The following EZH1 variants were observed in gnomAD, a reference collection of about 807,000 sequenced individuals.
The protein encoded by EZH1 is histone-lysine N-methyltransferase EZH1.
EZH1 carries 33 observed loss-of-function variants against 100.5 expected under a neutral mutation model. The observed-to-expected ratio is 0.33, with a 90% CI of 0.25 to 0.44. EZH1 has a LOEUF of 0.44. EZH1 is among the 20% of genes least tolerant of loss of function. EZH1 has a pLI of 1.00. For synonymous variants in EZH1, 272 were observed against 313.8 expected, an observed-to-expected ratio of 0.87 and a Z score of 1.41; for missense variants, 475 against 928.4, an observed-to-expected ratio of 0.51 and a Z score of 6.35.
chr17:42,708,771 G>A (rs139792401), intron 14 of EZH1, 105 bp downstream of exon 14: 43 of 1,228,648 alleles, frequency 3.5e-5, no homozygotes, highest in African/African-American at 1.6e-4. Context: ...TGCAATCTGC[G>A]GAAGTGGCAC....
In EZH1 at chr17:42,709,964, C is replaced by G. The variant is rs768880192; in HGVS notation, c.1402-27G>C. On this transcript the variant is annotated intron_variant, in intron 12 of 20. Transcript: ENST00000428826. ...TGGAAGAGAAATCCAACGGGCCTGT[C>G]ACTCCTCGAGCAAGGGGGTCAGGTA... The G allele has an allele frequency of 4.3e-6, 7 of 1,610,332 alleles. No individual in the cohort carries two copies. In the South Asian group the frequency reaches 4.4e-5, roughly 10 times the overall value.
chr17:42,714,432 T>C (rs572969686), intron 10 of EZH1: 2 of 342,840 alleles, frequency 5.8e-6, no homozygotes, highest in East Asian at 6.9e-5. Context: ...GAAATCTGCA[T>C]GTGGCGTGTG....
Position 42,718,444 on chromosome 17 carries a change from C to T in EZH1, c.931+10G>A. The T allele has an allele frequency of 6.2e-7, 1 of 1,612,744 alleles. No homozygotes were observed. Among genetic ancestry groups the T allele is most frequent in the Non-Finnish European group, 8.5e-7 (1 of 1,179,870 alleles). ...GAGGAGAGCATTTCAAACAGAGTAG[C>T]CCCACTCACGGTGAAGGAAGCAGTC... On this transcript the variant is annotated intron_variant, in intron 9 of 20. Transcript: ENST00000428826. The surrounding 1 kb of genome is among the most constrained non-coding windows in gnomAD (Gnocchi z 4.2).
At chr17:42,715,916 G>A (rs773487671) in intron 10 of EZH1, among the ~76,000 whole-genome samples, 5 of 151,924 alleles carry the variant, frequency 3.3e-5, no homozygotes, top group South Asian at 4.2e-4. Context: ...GCGTGGTGGC[G>A]CATGCCTGTA....
intron 1 of EZH1, among the ~76,000 whole-genome samples, chr17:42,742,848 C>T (rs748695099): frequency 6.6e-6 from 1 of 151,912 alleles, no homozygotes; most frequent in African/African-American, 2.4e-5. Flanking sequence ...TATGTATGTG[C>T]GTTTTTAAGT....
At chr17:42,720,065 T>C (rs2053676902) in intron 7 of EZH1, among the ~76,000 whole-genome samples, 4 of 152,180 alleles carry the variant, frequency 2.6e-5, no homozygotes, top group Admixed American at 2.6e-4. Flanking sequence ...TAGAAATGAA[T>C]AGCAATGATT....
chr17:42,743,327 C>T (rs570220665), intron 1 of EZH1, among the ~76,000 whole-genome samples: 40 of 152,032 alleles, frequency 2.6e-4, no homozygotes, highest in African/African-American at 8.0e-4. Flanking sequence ...TGTGCCACCA[C>T]ACCTGATTAA....
intron 1 of EZH1, among the ~76,000 whole-genome samples, chr17:42,744,511 T>A (rs937386386): frequency 4.1e-4 from 62 of 152,130 alleles, no homozygotes; most frequent in African/African-American, 1.5e-3. Context: ...TTGGGAGCCT[T>A]ACTCACCTCA....
In EZH1 at chr17:42,713,312, T is replaced by C; in HGVS notation, c.1101A>G (p.Ile367Met). Reference protein sequence around the residue: ...CSGRRRRRHHIVSASCSNASA... With the variant: ...CSGRRRRRHHMVSASCSNASA... ...AGGCATTGGAGCAGGAAGCACTGACTATGTGGTGCCTTCTCCGGCGACGAC... is the reference window on the plus strand; with the variant it reads ...AGGCATTGGAGCAGGAAGCACTGACCATGTGGTGCCTTCTCCGGCGACGAC... Residue 367 changes from isoleucine (I) to methionine (M), a missense_variant, in exon 11 of 21, where the codon ATA becomes ATG. This residue lies in a region of EZH1 where 180 missense variants were observed against 295.3 expected (regional missense o/e 0.61). Coordinates refer to ENST00000428826, the MANE Select transcript of EZH1 (RefSeq NM_001991.5). 2 of 1,613,526 alleles carry C rather than the reference T, an allele frequency of 1.2e-6. No homozygotes were observed. Among genetic ancestry groups the C allele is most frequent in the Non-Finnish European group, 1.7e-6 (2 of 1,179,512 alleles).
chr17:42,714,624 A>T (rs2053555000), intron 10 of EZH1: 1 of 320,284 alleles, frequency 3.1e-6, no homozygotes, highest in Non-Finnish European at 6.3e-6. Context: ...TGAAGGCACA[A>T]GCAGAGTCAG....
intron 18 of EZH1, 26 bp from the exon 19 acceptor site, chr17:42,703,846 C>G (rs779510273): frequency 1.9e-6 from 3 of 1,538,720 alleles, no homozygotes; most frequent in Non-Finnish European, 1.8e-6. Context: ...CAAGGAAAAC[C>G]ATAAGCACAG....
intron 12 of EZH1, among the ~76,000 whole-genome samples, chr17:42,711,557 C>G (rs1482757342): frequency 1.3e-5 from 2 of 151,666 alleles, no homozygotes; most frequent in Non-Finnish European, 2.9e-5. Flanking sequence ...GCAGAAGAAT[C>G]ACTTGAACTT....
Position 42,720,273 on chromosome 17 carries a change from C to T in EZH1, c.664G>A (p.Gly222Ser). 1.9e-6 allele frequency: 3 copies of T among 1,612,432 alleles called. No homozygotes were observed. In the African/African-American group the frequency reaches 4.0e-5, roughly 22 times the overall value. Residue 222 changes from glycine (G) to serine (S), a missense_variant and splice_region_variant, in exon 7 of 21, where the codon GGC becomes AGC. Gly to Ser is a moderately conservative substitution (Grantham distance 56). Coordinates refer to ENST00000428826, the MANE Select transcript of EZH1 (RefSeq NM_001991.5). Reference sequence around the variant, plus strand: ...GAATAAGGGAGCCAGTGCTACGTACCTTCAATAGCATGTCGCTTTCTCTTT... The same window carrying T: ...GAATAAGGGAGCCAGTGCTACGTACTTTCAATAGCATGTCGCTTTCTCTTT... ...TRKRKRHAIE[G>S]NKKSSKKQFP...
intron 7 of EZH1, 133 bp from the exon 8 acceptor site, chr17:42,719,340 A>G: frequency 1.5e-6 from 1 of 687,422 alleles, no homozygotes; most frequent in South Asian, 1.7e-5. Flanking sequence ...GATTGTTTGG[A>G]GATATATAAA....
intron 2 of EZH1, 59 bp from the exon 3 acceptor site, chr17:42,729,011 A>AAT: frequency 6.9e-7 from 1 of 1,457,016 alleles, no homozygotes. Context: ...GCATTCCTCA[A>AAT]ATACAAAAAA....
rs1236333427 is a variant in EZH1 at position 42,706,337 on chromosome 17, A to G, written c.1661-152T>C. 4.6e-6 allele frequency: 3 copies of G among 649,530 alleles called. No homozygotes were observed. In the African/African-American group the frequency reaches 5.5e-5, roughly 12 times the overall value. 40.2% of individuals were successfully genotyped at this position (649,530 alleles called of 1,614,324 possible). A position where few individuals can be genotyped will look rare whatever the true frequency, so the allele number is the denominator to read the frequency against. ...CTCCCTTCCCAATAATCAAATACAC[A>G]AGTTTTGTCCATAGAAAACTGAGTG... On this transcript the variant is annotated intron_variant, in intron 15 of 20. Coordinates refer to ENST00000428826, the MANE Select transcript of EZH1 (RefSeq NM_001991.5). The surrounding 1 kb of genome is among the most constrained non-coding windows in gnomAD (Gnocchi z 4.4).
At chr17:42,717,799 A>G (rs2053634449) in intron 10 of EZH1, among the ~76,000 whole-genome samples, 177 bp downstream of exon 10, 3 of 152,202 alleles carry the variant, frequency 2.0e-5, no homozygotes, top group Admixed American at 6.6e-5. Context: ...CTAACTTTAT[A>G]GTGCTACCAT....
At chr17:42,727,811 T>A (rs771250021) in intron 3 of EZH1, 48 bp from the exon 4 acceptor site, 2 of 1,284,764 alleles carry the variant, frequency 1.6e-6, no homozygotes, top group Admixed American at 6.9e-5. Context: ...TTTTATTAAT[T>A]AATTAATAAT....
chr17:42,717,928 G>A, intron 10 of EZH1, 48 bp downstream of exon 10: 3 of 1,562,972 alleles, frequency 1.9e-6, no homozygotes, highest in Non-Finnish European at 2.6e-6. Flanking sequence ...CACGTGGCTT[G>A]TGTTCCCAGA....
Sources: gnomAD v4.1 joint callset for allele counts (sites outside exome capture counted in the v4.1 genomes callset) on GRCh38, gnomAD v4.1.1 for gene constraint, gnomAD v4.1.1 regional missense constraint, Gnocchi (gnomAD v3.1) non-coding constraint, MANE v1.5 for transcripts, NCBI Gene and HGNC (gene_info 2026-07-23, HGNC 2026-07-21) for gene names.